The following ZNF521 variants were observed in gnomAD, a reference collection of about 807,000 sequenced individuals.
The protein encoded by ZNF521 is LYST-interacting protein 3.
Under a neutral mutation model 105.5 loss-of-function variants are expected in ZNF521, and 14 were observed. The ratio of observed to expected loss-of-function variants is 0.13; its 90% CI spans 0.09 to 0.21. The LOEUF (loss-of-function observed/expected upper bound fraction) is 0.21. Ranked by LOEUF, ZNF521 falls within the 10% of genes least tolerant of loss-of-function variation. The pLI, the probability that ZNF521 is intolerant of heterozygous loss-of-function variation, is 1.00. For synonymous variants in ZNF521, 635 were observed against 606.0 expected (o/e 1.05, Z -0.70); for missense variants, 1,233 against 1,629.7 (o/e 0.76, Z 4.19).
intron 3 of ZNF521, among the ~76,000 whole-genome samples, chr18:25,243,213 A>G (rs2144808760): frequency 6.6e-6 from 1 of 152,174 alleles, no homozygotes; most frequent in African/African-American, 2.4e-5. Flanking sequence ...TCTTTTCTTC[A>G]CAGTGGTCAA....
chr18:25,115,350 C>CT (rs745999723), intron 5 of ZNF521, among the ~76,000 whole-genome samples: 1 of 152,106 alleles, frequency 6.6e-6, no homozygotes, highest in South Asian at 2.1e-4. Flanking sequence ...GCTGAAAGGT[C>CT]TTTTTTCCCA....
intron 3 of ZNF521, among the ~76,000 whole-genome samples, chr18:25,248,027 T>C (rs755073487): frequency 2.0e-5 from 3 of 152,166 alleles, no homozygotes; most frequent in Non-Finnish European, 2.9e-5. Flanking sequence ...CTGCAAATAT[T>C]TGCAAGAAGA....
intron 3 of ZNF521, among the ~76,000 whole-genome samples, chr18:25,269,244 C>T (rs185779550): frequency 7.2e-5 from 11 of 152,146 alleles, no homozygotes; most frequent in East Asian, 5.8e-4. Flanking sequence ...GCTAACTATC[C>T]GAAATAAATA....
At chr18:25,283,925 C>G (rs920606485) in intron 3 of ZNF521, among the ~76,000 whole-genome samples, 27 of 138,074 alleles carry the variant, frequency 2.0e-4, no homozygotes, top group South Asian at 2.7e-4. Context: ...AATACTTTCC[C>G]CCCCCCCCAA....
At chr18:25,203,885 G>C (rs1363798786) in intron 4 of ZNF521, among the ~76,000 whole-genome samples, 1 of 152,162 alleles carries the variant, frequency 6.6e-6, no homozygotes. Flanking sequence ...AATGCTGAAA[G>C]TGGCCCCTGG....
chr18:25,246,480 C>G (rs1404668591), intron 3 of ZNF521, among the ~76,000 whole-genome samples: 1 of 152,028 alleles, frequency 6.6e-6, no homozygotes. Context: ...TTTCCTTTTT[C>G]CCCCATCCAA....
rs1600000634 is a variant in ZNF521 at position 25,089,618 on chromosome 18, G to GT, written c.3791-39dup. 3.2e-6 allele frequency: 5 copies of GT among 1,560,810 alleles called. No individual in the cohort carries two copies. The East Asian group carries it at 1.1e-4, about 35-fold the overall frequency. Reference sequence around the variant, plus strand: ...AAGAATGATGAACTTGGGTTATTTTGTTTCCGAAATGCCCTCAGTCGATGA... The same window carrying GT: ...AAGAATGATGAACTTGGGTTATTTTGTTTTCCGAAATGCCCTCAGTCGATGA... On this transcript the variant is annotated intron_variant, in intron 6 of 7. Transcript: ENST00000361524.
Position 25,134,477 on chromosome 18 carries a change from G to A in ZNF521, c.3659-42396C>T, listed in dbSNP as rs557157078. Among the ~76,000 whole-genome samples, 12 of 152,168 alleles carry A rather than the reference G, an allele frequency of 7.9e-5. No homozygotes were observed. In the South Asian group the frequency reaches 2.5e-3, roughly 32 times the overall value. On this transcript the variant is annotated intron_variant, in intron 5 of 7. Transcript: ENST00000361524. ...GCAGGGTAACTTTTGCCTGGTCTGT[G>A]AACATTATGATAAAGACAATATTCC...
chr18:25,114,554 C>G (rs1329674810), intron 5 of ZNF521, among the ~76,000 whole-genome samples: 1 of 152,180 alleles, frequency 6.6e-6, no homozygotes, highest in African/African-American at 2.4e-5. Flanking sequence ...GTATTTCACT[C>G]AGGAAGTACA....
chr18:25,142,640 C>T (rs2034870483), intron 5 of ZNF521, among the ~76,000 whole-genome samples: 1 of 152,144 alleles, frequency 6.6e-6, no homozygotes, highest in African/African-American at 2.4e-5. Context: ...AGAACCCAAG[C>T]CCAGAAGAGA....
At chr18:25,285,726 A>ACG (rs1431047182) in intron 3 of ZNF521, among the ~76,000 whole-genome samples, 2 of 149,338 alleles carry the variant, frequency 1.3e-5, no homozygotes, top group African/African-American at 5.1e-5. Flanking sequence ...ACACACACAC[A>ACG]CACACGTACG....
At chr18:25,168,961 G>A (rs904408046) in intron 5 of ZNF521, among the ~76,000 whole-genome samples, 2 of 151,676 alleles carry the variant, frequency 1.3e-5, no homozygotes, top group African/African-American at 4.8e-5. Context: ...TGGGGTGTGT[G>A]TGTGTGTGTG....
chr18:25,084,644 T>C (rs1324564427), intron 7 of ZNF521, among the ~76,000 whole-genome samples: 1 of 152,238 alleles, frequency 6.6e-6, no homozygotes, highest in Non-Finnish European at 1.5e-5. Flanking sequence ...ATTGAAATAC[T>C]AGAATTTCAG....
At chr18:25,274,994 A>T (rs1909938748) in intron 3 of ZNF521, among the ~76,000 whole-genome samples, 1 of 152,194 alleles carries the variant, frequency 6.6e-6, no homozygotes, top group Non-Finnish European at 1.5e-5. Flanking sequence ...AGGGAACAGA[A>T]ATAAGGAAGA....
intron 3 of ZNF521, among the ~76,000 whole-genome samples, chr18:25,270,023 G>A (rs1472905594): frequency 3.9e-5 from 6 of 151,988 alleles, no homozygotes; most frequent in African/African-American, 1.4e-4. Flanking sequence ...AACAAAAAAA[G>A]ATAGACCACT....
chr18:25,112,391 T>G (rs2034209446), intron 5 of ZNF521, among the ~76,000 whole-genome samples: 1 of 152,130 alleles, frequency 6.6e-6, no homozygotes, highest in African/African-American at 2.4e-5. Flanking sequence ...GGCGTACCCC[T>G]GCCCACTACA....
chr18:25,121,963 A>G (rs1299269313), intron 5 of ZNF521, among the ~76,000 whole-genome samples: 2 of 152,182 alleles, frequency 1.3e-5, no homozygotes, highest in African/African-American at 4.8e-5. Context: ...AAAATGCAAC[A>G]CATAGGGCAA....
intron 2 of ZNF521, among the ~76,000 whole-genome samples, chr18:25,337,765 T>A (rs1392569942): frequency 6.6e-6 from 1 of 152,150 alleles, no homozygotes; most frequent in Non-Finnish European, 1.5e-5. Context: ...TAGGAATTGA[T>A]CCCATGTATA....
At chr18:25,231,589 G>A (rs1906531881) in intron 3 of ZNF521, 1 of 152,266 alleles carries the variant, frequency 6.6e-6, no homozygotes, top group African/African-American at 2.4e-5. Context: ...ATGAGGGTCT[G>A]AGAGTCTGTT....
Sources: gnomAD v4.1 joint callset for allele counts (sites outside exome capture counted in the v4.1 genomes callset) on GRCh38, gnomAD v4.1.1 for gene constraint, MANE v1.5 for transcripts, NCBI Gene and HGNC (gene_info 2026-07-23, HGNC 2026-07-21) for gene names.